SCNN1A: variants seen among roughly 807,000 people sequenced by gnomAD.
The protein encoded by SCNN1A is sodium channel epithelial 1 subunit alpha.
SCNN1A carries 65 observed loss-of-function variants against 68.6 expected under a neutral mutation model. The ratio of observed to expected loss-of-function variants is 0.95; its 90% confidence interval spans 0.78 to 1.16. The LOEUF is 1.16. Ranked by LOEUF, SCNN1A falls within the 50% of genes most tolerant of loss-of-function variation. SCNN1A has a pLI of 0.00. For missense variants in SCNN1A, 880 were observed against 865.9 expected, an observed-to-expected ratio of 1.02 and a Z score of -0.20; for synonymous variants, 357 against 353.3, an observed-to-expected ratio of 1.01 and a Z score of -0.12.
chr12:6,368,043 T>C (rs1948710369), intron 2 of SCNN1A, among the ~76,000 whole-genome samples: 1 of 152,224 alleles, frequency 6.6e-6, no homozygotes, highest in Non-Finnish European at 1.5e-5. Context: ...TCGTTATTTA[T>C]AATTAAAAGA....
At chr12:6,357,629 G>T (rs564007809) in intron 4 of SCNN1A, among the ~76,000 whole-genome samples, 1 of 152,180 alleles carries the variant, frequency 6.6e-6, no homozygotes, top group Admixed American at 6.5e-5. Context: ...TACAGATTTT[G>T]CAAAAACACA....
chr12:6,348,970 A>C lies in SCNN1A; in HGVS notation c.1533T>G (p.Asn511Lys). Residue 511 changes from asparagine (N) to lysine (K), a missense_variant, in exon 11 of 13, where the codon AAT becomes AAG. Physicochemically the swap from Asn to Lys is moderately conservative, Grantham distance 94. This residue lies in a region of SCNN1A where 758 missense variants were observed against 721.8 expected (regional missense o/e 1.05). Transcript: ENST00000228916. Reference protein sequence around the residue: ...WVFQMLSRQNNYTVNNKRNGV... With the variant: ...WVFQMLSRQNKYTVNNKRNGV... Reference sequence around the variant, plus strand: ...CTGACCTCTTGTTGTTGACGGTGTAATTGTTCTGTCGCGATAGCATCTGGA... The same window carrying C: ...CTGACCTCTTGTTGTTGACGGTGTACTTGTTCTGTCGCGATAGCATCTGGA... 1 of 1,613,902 alleles carries C rather than the reference A, an allele frequency of 6.2e-7. No individual in the cohort carries two copies. Among genetic ancestry groups the C allele is most frequent in the Non-Finnish European group, 8.5e-7 (1 of 1,179,986 alleles).
intron 2 of SCNN1A, 154 bp from the exon 3 acceptor site, chr12:6,363,864 C>G (rs13306621): frequency 1.9e-5 from 10 of 520,508 alleles, no homozygotes; most frequent in African/African-American, 1.9e-4. Flanking sequence ...CCTGGCCGTC[C>G]GGCGGTGAAG....
chr12:6,376,011 G>A (rs1203311586), upstream of SCNN1A: 7 of 1,002,696 alleles, frequency 7.0e-6, no homozygotes, highest in Non-Finnish European at 8.3e-6. Context: ...AGCACCAAAG[G>A]GAGTCTGTCT....
chr12:6,375,876 C>T (rs940867377), upstream of SCNN1A: 2 of 1,279,492 alleles, frequency 1.6e-6, no homozygotes, highest in Non-Finnish European at 2.0e-6. Context: ...ACCGGGAGGA[C>T]AGGAGGGCAG....
At chr12:6,375,938 A>G, upstream of SCNN1A, 1 of 1,024,688 alleles carries the variant, frequency 9.8e-7, no homozygotes, top group Non-Finnish European at 1.2e-6. Flanking sequence ...ATAGGGATGG[A>G]GGAGGGGCAC....
rs113665669 is a variant in SCNN1A, at chr12:6,351,632, G to GAA, written c.1361-2229_1361-2228dup. On this transcript the variant is annotated intron_variant, in intron 8 of 12. Transcript: ENST00000228916. This position sits in a 1 kb window ranked among gnomAD's most constrained non-coding sequence, Gnocchi z 4.2. The stretch of plus-strand genomic sequence containing the variant: ...ACAGAGGGAGATTCTGTCTCCAGAA[G>GAA]AAAAAAAAAAAAAAAGATTCAGAAT... 4.1e-5 allele frequency among the ~76,000 whole-genome samples: 4 copies of GAA among 97,408 alleles called. No homozygotes were observed. The highest frequency in any genetic ancestry group is 7.5e-5 in the African/African-American group (2 of 26,578). 63.9% of individuals were successfully genotyped at this position (97,408 alleles called of 152,430 possible).
Position 6,374,232 on chromosome 12 carries a change from A to G in SCNN1A, c.416+136T>C. Reference sequence around the variant, plus strand: ...GCTGGAGGCTCCTCATTTTGCCAGCAGTGAGCTCTACCTGGGACAGGGGTG... The same window carrying G: ...GCTGGAGGCTCCTCATTTTGCCAGCGGTGAGCTCTACCTGGGACAGGGGTG... On this transcript the variant is annotated intron_variant, in intron 2 of 12. Coordinates refer to ENST00000228916, the MANE Select transcript of SCNN1A (RefSeq NM_001038.6). The surrounding 1 kb of genome is among the most constrained non-coding windows in gnomAD (Gnocchi z 6.2). 1.0e-6 allele frequency: 1 copy of G among 964,634 alleles called. No individual in the cohort carries two copies. The allele number at this position is 964,634 out of a possible 1,614,324, so 59.8% of individuals were successfully genotyped here.
In SCNN1A at chr12:6,347,896, T is replaced by A. The variant is rs2228576; in HGVS notation, c.1987A>T (p.Thr663Ser). 1.3e-6 allele frequency: 2 copies of A among 1,598,212 alleles called. No homozygotes were observed. Among genetic ancestry groups the A allele is most frequent in the Non-Finnish European group, 1.7e-6 (2 of 1,172,438 alleles). Reference sequence around the variant, plus strand: ...TCTCAGGGCCCCCCCAGAGGACAGGTGGAGGAACTGGCCCCTGCAGAGCCC... The same window carrying A: ...TCTCAGGGCCCCCCCAGAGGACAGGAGGAGGAACTGGCCCCTGCAGAGCCC... The part of the protein sequence containing the change: ...PGGSAGASSS[T>S]CPLGGP Residue 663 changes from threonine (T) to serine (S), a missense_variant, in exon 13 of 13, where the codon ACC becomes TCC. Coordinates refer to ENST00000228916, the MANE Select transcript of SCNN1A (RefSeq NM_001038.6).
intron 2 of SCNN1A, among the ~76,000 whole-genome samples, chr12:6,366,692 C>T (rs886780974): frequency 6.6e-6 from 1 of 151,720 alleles, no homozygotes; most frequent in East Asian, 1.9e-4. Flanking sequence ...CCCAGCTACT[C>T]GGGAGGCTGA....
intron 2 of SCNN1A, among the ~76,000 whole-genome samples, chr12:6,373,049 C>T (rs1258292240): frequency 6.6e-6 from 1 of 152,084 alleles, no homozygotes; most frequent in Non-Finnish European, 1.5e-5. Context: ...ACCTTCGCAG[C>T]GTCTGTGCAC....
upstream of SCNN1A, chr12:6,375,703 G>A (rs72645141): frequency 8.4e-5 from 121 of 1,437,294 alleles, no homozygotes; most frequent in African/African-American, 1.0e-4. Context: ...CTGAGAAGGC[G>A]GACTCTGGGC....
intron 7 of SCNN1A, 33 bp from the exon 8 acceptor site, chr12:6,354,588 T>C (rs772703375): frequency 9.8e-6 from 15 of 1,531,622 alleles, no homozygotes; most frequent in South Asian, 7.8e-5. Context: ...GGAGAGGGGG[T>C]TCAGGCCTGA....
At chr12:6,377,222 C>G (rs896060947), upstream of SCNN1A, 1 of 1,540,732 alleles carries the variant, frequency 6.5e-7, no homozygotes, top group Non-Finnish European at 8.8e-7. Flanking sequence ...CGGTGTCAAC[C>G]AGGATTCCAA....
intron 4 of SCNN1A, 94 bp from the exon 5 acceptor site, chr12:6,355,974 ACTC>A: frequency 1.2e-6 from 1 of 854,334 alleles, no homozygotes; most frequent in South Asian, 1.3e-5. Context: ...ACTCTCTTAA[ACTC>A]CTACAGGACT....
intron 2 of SCNN1A, among the ~76,000 whole-genome samples, chr12:6,370,951 C>A (rs1948778241): frequency 6.6e-6 from 1 of 152,234 alleles, no homozygotes; most frequent in Admixed American, 6.5e-5. Flanking sequence ...GTAGGTATGA[C>A]TGGCCCTCTC....
chr12:6,364,768 A>AAC (rs111441630), intron 2 of SCNN1A, among the ~76,000 whole-genome samples: 37,656 of 151,750 alleles, frequency 0.25, 4,913 homozygotes, highest in South Asian at 0.35. Flanking sequence ...TCTCAAAAAA[A>AAC]AAAAAAAATT....
chr12:6,374,346 A>C lies in SCNN1A; in HGVS notation c.416+22T>G. The C allele has an allele frequency of 6.2e-7, 1 of 1,612,372 alleles. No homozygotes were observed. Among genetic ancestry groups the C allele is most frequent in the Non-Finnish European group, 8.5e-7 (1 of 1,178,566 alleles). On this transcript the variant is annotated intron_variant, in intron 2 of 12. Transcript: ENST00000228916. This position sits in a 1 kb window ranked among gnomAD's most constrained non-coding sequence, Gnocchi z 6.2. ...CCCTTCCAGGCGCAGGCACCAGGGA[A>C]GGGGCAGAGGGACTAACCGACCTGT...
chr12:6,374,261 G>T lies in SCNN1A; in HGVS notation c.416+107C>A. 8.0e-7 allele frequency: 1 copy of T among 1,243,670 alleles called. No homozygotes were observed. The highest frequency in any genetic ancestry group is 1.5e-5 in the African/African-American group (1 of 67,144). 77.0% of individuals were successfully genotyped at this position (1,243,670 alleles called of 1,614,324 possible). A position where few individuals can be genotyped will look rare whatever the true frequency, so the allele number is the denominator to read the frequency against. On this transcript the variant is annotated intron_variant, in intron 2 of 12. Transcript: ENST00000228916. The surrounding 1 kb of genome is among the most constrained non-coding windows in gnomAD (Gnocchi z 6.2). The stretch of plus-strand genomic sequence containing the variant: ...AGCTCTACCTGGGACAGGGGTGTCA[G>T]TTCCCACCCTCAGGTCTGAGGCTCT...
Sources: allele counts gnomAD v4.1 joint callset (sites outside exome capture counted in the v4.1 genomes callset), GRCh38; gene constraint gnomAD v4.1.1; regional missense constraint gnomAD v4.1.1; non-coding constraint Gnocchi (gnomAD v3.1); transcripts MANE v1.5; gene names NCBI Gene and HGNC (gene_info 2026-07-23, HGNC 2026-07-21).